LIPA: variants seen among roughly 807,000 people sequenced by gnomAD.
LIPA encodes the protein lipase A, lysosomal acid type.
In LIPA, 26 loss-of-function variants were observed where a neutral mutation model predicts 40.6. The ratio of observed to expected loss-of-function variants is 0.64; its 90% CI spans 0.47 to 0.89. LIPA has a LOEUF of 0.89. Ranked by LOEUF, LIPA falls within the 40% of genes least tolerant of loss-of-function variation. The pLI is 0.00. For missense variants in LIPA, 455 were observed against 479.6 expected (o/e 0.95, Z 0.48); for synonymous variants, 188 against 168.4 (o/e 1.12, Z -0.90).
intron 1 of LIPA, among the ~76,000 whole-genome samples, chr10:89,315,599 C>G (rs771602766): frequency 1.5e-4 from 23 of 151,354 alleles, no homozygotes; most frequent in Admixed American, 1.5e-3. Context: ...AAAAAAAAAC[C>G]TCTCAGGGTA....
chr10:89,250,098 C>CTTTCTTTTTTTTTTTTTTTTTTTT (rs1564767178), intron 1 of LIPA, among the ~76,000 whole-genome samples: 5 of 101,682 alleles, frequency 4.9e-5, no homozygotes, highest in East Asian at 2.6e-4. Context: ...TTTTTCTTTT[C>CTTTCTTTTTTTTTTTTTTTTTTTT]TTTTCTTTCT....
At chr10:89,380,383 G>A (rs1844154111) in intron 2 of LIPA, among the ~76,000 whole-genome samples, 1 of 151,836 alleles carries the variant, frequency 6.6e-6, no homozygotes, top group Non-Finnish European at 1.5e-5. Flanking sequence ...ACGAGTCCCT[G>A]TCTGCCACAG....
intron 3 of LIPA, among the ~76,000 whole-genome samples, chr10:89,230,367 C>T (rs545964065): frequency 6.0e-4 from 91 of 152,262 alleles, no homozygotes; most frequent in African/African-American, 2.1e-3. Flanking sequence ...AGTGCAGTGG[C>T]GTGATCTCTG....
intron 1 of LIPA, among the ~76,000 whole-genome samples, chr10:89,300,140 C>G (rs1331836835): frequency 1.3e-5 from 2 of 152,062 alleles, no homozygotes; most frequent in African/African-American, 4.8e-5. Context: ...AACTGGAGAC[C>G]ATTATGTTAA....
intron 2 of LIPA, chr10:89,362,567 G>C: frequency 3.2e-6 from 1 of 316,316 alleles, no homozygotes. Flanking sequence ...TCATCACATG[G>C]GCAGGTGACC....
At chr10:89,334,548 T>G (rs931938816) in intron 1 of LIPA, among the ~76,000 whole-genome samples, 2 of 133,254 alleles carry the variant, frequency 1.5e-5, no homozygotes, top group African/African-American at 5.7e-5. Flanking sequence ...CAGGCTGGAG[T>G]GTAGTGGCCC....
chr10:89,279,972 A>G (rs147277323), intron 1 of LIPA, among the ~76,000 whole-genome samples: 4 of 152,358 alleles, frequency 2.6e-5, no homozygotes, highest in African/African-American at 7.2e-5. Flanking sequence ...TCACTTCAAC[A>G]TTGTTTGTAA....
At chr10:89,391,334 C>T (rs1467418132) in intron 2 of LIPA, among the ~76,000 whole-genome samples, 1 of 152,028 alleles carries the variant, frequency 6.6e-6, no homozygotes, top group East Asian at 1.9e-4. Flanking sequence ...CCACCTCAGC[C>T]TCCTGAGTAG....
intron 2 of LIPA, chr10:89,393,372 T>TTCA: frequency 9.1e-7 from 1 of 1,093,448 alleles, no homozygotes; most frequent in Non-Finnish European, 1.2e-6. Flanking sequence ...GATCCACATC[T>TTCA]GCTTGGGAAG....
At chr10:89,335,963 AC>A (rs1843732281) in intron 1 of LIPA, among the ~76,000 whole-genome samples, 1 of 152,186 alleles carries the variant, frequency 6.6e-6, no homozygotes. Context: ...TAGTTAGAAT[AC>A]CCAGGTAAAG....
At chr10:89,245,618 G>T in intron 3 of LIPA, 58 bp downstream of exon 3, 1 of 856,232 alleles carries the variant, frequency 1.2e-6, no homozygotes, top group Non-Finnish European at 2.0e-6. Flanking sequence ...TCTGAACTTG[G>T]TTACTAACAC....
rs1490452606 is a variant in LIPA, at chr10:89,280,432, C to T, written c.-1-32783G>A. On this transcript the variant is annotated intron_variant, in intron 1 of 5. Coordinates refer to the LIPA transcript ENST00000282673. ...TCTCCTGGGTACATTCTCCCTTCGC[C>T]TCCCACTGCCTCGCCTGGCGTTAAA... Among the ~76,000 whole-genome samples, 5 of 152,292 alleles carry T rather than the reference C, an allele frequency of 3.3e-5. No homozygotes were observed. In the East Asian group the frequency reaches 7.7e-4, roughly 24 times the overall value.
chr10:89,223,646 T>TAA (rs752384602), intron 7 of LIPA, 38 bp downstream of exon 7: 20 of 1,226,230 alleles, frequency 1.6e-5, no homozygotes, highest in East Asian at 2.9e-5. Context: ...CATTCACAGA[T>TAA]AAAAAAAAAA....
chr10:89,365,421 G>A (rs146404291), intron 2 of LIPA, among the ~76,000 whole-genome samples: 1,678 of 152,278 alleles, frequency 0.011, 42 homozygotes, highest in East Asian at 0.092. Context: ...TCTGATGGTA[G>A]TTTCTTTTGC....
At chr10:89,327,839 G>T in intron 1 of LIPA, 1 of 535,690 alleles carries the variant, frequency 1.9e-6, no homozygotes, top group Non-Finnish European at 3.3e-6. Context: ...CAAGCCGTTA[G>T]GTTTCATTTT....
At chr10:89,362,928 G>T in intron 2 of LIPA, 1 of 269,418 alleles carries the variant, frequency 3.7e-6, no homozygotes. Flanking sequence ...CCTAAAATGG[G>T]CTGTCAGTCT....
rs771838245 is a variant in LIPA, at chr10:89,225,222, A to G, written c.545T>C (p.Ile182Thr). Reference protein sequence around the residue: ...GHSQGTTIGFIAFSQIPELAK... With the variant: ...GHSQGTTIGFTAFSQIPELAK... Reference sequence around the variant, plus strand: ...CAGCTCAGGGATCTGTGAAAATGCTATAAAACCTGTGAGAACAAAGGACAG... The same window carrying G: ...CAGCTCAGGGATCTGTGAAAATGCTGTAAAACCTGTGAGAACAAAGGACAG... The change falls in exon 6 of 10, where the codon ATA becomes ACA. Residue 182 changes from isoleucine (I) to threonine (T), a missense_variant. Physicochemically the swap from Ile to Thr is moderately conservative, Grantham distance 89 (BLOSUM62 -1). Transcript: ENST00000336233. The G allele has an allele frequency of 6.2e-7, 1 of 1,614,178 alleles. No homozygotes were observed. Among genetic ancestry groups the G allele is most frequent in the Non-Finnish European group, 8.5e-7 (1 of 1,180,010 alleles).
At chr10:89,250,373 G>C (rs896920760) in intron 1 of LIPA, among the ~76,000 whole-genome samples, 14 of 152,016 alleles carry the variant, frequency 9.2e-5, no homozygotes, top group African/African-American at 3.1e-4. Flanking sequence ...AAAGTGCTAG[G>C]ATTACAGGCG....
At chr10:89,301,962 C>T in intron 1 of LIPA, 1 of 576,596 alleles carries the variant, frequency 1.7e-6, no homozygotes, top group Admixed American at 3.4e-5. Flanking sequence ...TTCACTTTCC[C>T]TTTTGTAACG....
Sources: gnomAD v4.1 joint callset for allele counts (sites outside exome capture counted in the v4.1 genomes callset) on GRCh38, gnomAD v4.1.1 for gene constraint, MANE v1.5 for transcripts, NCBI Gene and HGNC (gene_info 2026-07-23, HGNC 2026-07-21) for gene names.